The following PTPRT variants were observed in gnomAD, a reference collection of about 807,000 sequenced individuals.
PTPRT encodes protein tyrosine phosphatase receptor type T, also known as receptor-type tyrosine-protein phosphatase T.
PTPRT carries 56 observed loss-of-function variants against 176.8 expected under a neutral mutation model. The observed-to-expected ratio is 0.32, with a 90% CI of 0.26 to 0.40. The LOEUF is 0.40. PTPRT is among the 10% of genes least tolerant of loss of function. PTPRT has a pLI of 1.00. For missense variants in PTPRT, 1,540 were observed against 1,908.2 expected (o/e 0.81, Z 3.60); for synonymous variants, 783 against 739.0 (o/e 1.06, Z -0.96).
intron 2 of PTPRT, among the ~76,000 whole-genome samples, chr20:42,841,716 T>C (rs1223335806): frequency 6.6e-6 from 1 of 152,198 alleles, no homozygotes; most frequent in Non-Finnish European, 1.5e-5. Flanking sequence ...TGTACGAGAA[T>C]GTCAACCTAA....
At chr20:42,448,074 G>T (rs911585632) in intron 9 of PTPRT, 146 bp downstream of exon 9, 1 of 677,294 alleles carries the variant, frequency 1.5e-6, no homozygotes, top group South Asian at 1.8e-5. Context: ...CATTATGTTT[G>T]CACCCCATTG....
At chr20:42,790,367 AGG>A (rs1345158729) in intron 3 of PTPRT, among the ~76,000 whole-genome samples, 1 of 151,538 alleles carries the variant, frequency 6.6e-6, no homozygotes, top group East Asian at 1.9e-4. Flanking sequence ...AAAGAGAGAG[AGG>A]TTTAGGAACT....
chr20:42,603,002 C>T (rs2073809693), intron 7 of PTPRT, among the ~76,000 whole-genome samples: 2 of 152,270 alleles, frequency 1.3e-5, no homozygotes, highest in South Asian at 4.2e-4. Flanking sequence ...TGCTCTGTTC[C>T]CTTCACTCCT....
At chr20:42,149,821 T>A (rs1325887558) in intron 17 of PTPRT, among the ~76,000 whole-genome samples, 3 of 152,154 alleles carry the variant, frequency 2.0e-5, no homozygotes, top group Non-Finnish European at 4.4e-5. Flanking sequence ...CTTGATGATA[T>A]GCTTTATAGA....
chr20:42,085,046 C>G (rs999125531), intron 28 of PTPRT, among the ~76,000 whole-genome samples: 1 of 152,168 alleles, frequency 6.6e-6, no homozygotes, highest in Non-Finnish European at 1.5e-5. Flanking sequence ...CCTGAACCCC[C>G]TTTTGTACCT....
At chr20:42,379,739 G>A (rs2058682246) in intron 9 of PTPRT, among the ~76,000 whole-genome samples, 1 of 152,218 alleles carries the variant, frequency 6.6e-6, no homozygotes, top group African/African-American at 2.4e-5. Context: ...TTCTTCTTGG[G>A]CATGAATGGA....
intron 17 of PTPRT, among the ~76,000 whole-genome samples, chr20:42,152,706 A>C (rs1228286819): frequency 1.3e-5 from 2 of 152,118 alleles, no homozygotes; most frequent in East Asian, 3.9e-4. Flanking sequence ...CCAGCTGTCT[A>C]CACCCGTCTC....
At chr20:42,335,911 T>C (rs1370110435) in intron 11 of PTPRT, among the ~76,000 whole-genome samples, 2 of 152,150 alleles carry the variant, frequency 1.3e-5, no homozygotes, top group African/African-American at 2.4e-5. Context: ...GCTAGACCAT[T>C]ATGTTCAAAT....
chr20:42,334,312 C>G (rs535000071), intron 11 of PTPRT, among the ~76,000 whole-genome samples: 1 of 152,138 alleles, frequency 6.6e-6, no homozygotes, highest in East Asian at 1.9e-4. Context: ...TTGTAATAAA[C>G]AAAAATATGT....
chr20:42,613,942 G>A (rs1326059721), intron 7 of PTPRT, among the ~76,000 whole-genome samples: 3 of 139,112 alleles, frequency 2.2e-5, no homozygotes, highest in East Asian at 4.4e-4. Context: ...TACATCCCTT[G>A]TGTATGAGTT....
chr20:42,509,435 T>C (rs1296636458), intron 7 of PTPRT, among the ~76,000 whole-genome samples: 3 of 80,498 alleles, frequency 3.7e-5, no homozygotes, highest in Non-Finnish European at 6.5e-5. Context: ...AGATATAAAT[T>C]ATATAATTTA....
chr20:42,715,978 T>C (rs1198397437), intron 6 of PTPRT, among the ~76,000 whole-genome samples: 1 of 152,206 alleles, frequency 6.6e-6, no homozygotes, highest in Admixed American at 6.5e-5. Flanking sequence ...ACATTTGCTG[T>C]GAACCTAACA....
chr20:42,549,672 C>A (rs1000305243), intron 7 of PTPRT, among the ~76,000 whole-genome samples: 2 of 152,178 alleles, frequency 1.3e-5, no homozygotes, highest in African/African-American at 2.4e-5. Context: ...CTGCTTAGAG[C>A]CATGTGTAAA....
intron 1 of PTPRT, among the ~76,000 whole-genome samples, chr20:42,975,687 G>A (rs1055546606): frequency 2.0e-5 from 3 of 152,096 alleles, no homozygotes; most frequent in African/African-American, 7.2e-5. Flanking sequence ...GGGCAGCTAA[G>A]GTTCCAGCCA....
intron 7 of PTPRT, among the ~76,000 whole-genome samples, chr20:42,477,647 C>T (rs552732575): frequency 6.6e-6 from 1 of 152,130 alleles, no homozygotes; most frequent in Non-Finnish European, 1.5e-5. Flanking sequence ...TTACATCCCC[C>T]GTGTAAATAC....
chr20:42,962,853 A>C (rs996717277), intron 1 of PTPRT, among the ~76,000 whole-genome samples: 1 of 151,982 alleles, frequency 6.6e-6, no homozygotes, highest in Non-Finnish European at 1.5e-5. Flanking sequence ...GATCACTTGA[A>C]GTCAGGAGTT....
chr20:42,393,361 A>G (rs763506350), intron 9 of PTPRT, among the ~76,000 whole-genome samples: 15 of 152,194 alleles, frequency 9.9e-5, no homozygotes, highest in Non-Finnish European at 1.8e-4. Context: ...CATAACACAA[A>G]TGTTTGATTA....
At chr20:42,051,136 C>T in the PTPRT span, among the ~76,000 whole-genome samples, 1 of 152,130 alleles carries the variant, frequency 6.6e-6, no homozygotes, top group Non-Finnish European at 1.5e-5. Context: ...TGGCTTGGGC[C>T]CACGGTTTGG....
intron 9 of PTPRT, among the ~76,000 whole-genome samples, chr20:42,372,434 C>T (rs1004251258): frequency 2.0e-5 from 3 of 151,896 alleles, no homozygotes; most frequent in African/African-American, 7.3e-5. Context: ...TAGGCATGCA[C>T]CACCATGCCT....
Sources: gnomAD v4.1 joint callset for allele counts (sites outside exome capture counted in the v4.1 genomes callset) on GRCh38, gnomAD v4.1.1 for gene constraint, MANE v1.5 for transcripts, NCBI Gene and HGNC (gene_info 2026-07-23, HGNC 2026-07-21) for gene names.